ARHGEF7: variants seen among roughly 807,000 people sequenced by gnomAD.
The protein encoded by ARHGEF7 is Rho guanine nucleotide exchange factor 7.
Under a neutral mutation model 109.8 loss-of-function variants are expected in ARHGEF7, and 33 were observed. The observed-to-expected ratio is 0.30, with a 90% confidence interval of 0.23 to 0.40. The LOEUF is 0.40. Ranked by LOEUF, ARHGEF7 falls within the 10% of genes least tolerant of loss-of-function variation. ARHGEF7 has a pLI of 1.00. For missense variants in ARHGEF7, 938 were observed against 1,098.5 expected (o/e 0.85, Z 2.07); for synonymous variants, 458 against 424.6 (o/e 1.08, Z -0.97).
intron 8 of ARHGEF7, chr13:111,265,716 CCTTGGAGGTGGGT>C (rs1327329242): frequency 6.6e-6 from 3 of 455,938 alleles, no homozygotes; most frequent in African/African-American, 6.0e-5. Context: ...AAAAGGTGGG[CCTTGGAGGTGGGT>C]AGGTTGTGAG....
At chr13:111,197,427 G>T (rs1394934825) in intron 2 of ARHGEF7, among the ~76,000 whole-genome samples, 1 of 152,152 alleles carries the variant, frequency 6.6e-6, no homozygotes, top group African/African-American at 2.4e-5. Context: ...CCACAAAGAG[G>T]ACTGAGAAAA....
chr13:111,211,913 TG>T (rs991175495), intron 4 of ARHGEF7, among the ~76,000 whole-genome samples: 1 of 152,200 alleles, frequency 6.6e-6, no homozygotes, highest in Non-Finnish European at 1.5e-5. Context: ...ATGTCAGTTT[TG>T]AGATCATATT....
intron 1 of ARHGEF7, among the ~76,000 whole-genome samples, chr13:111,118,078 G>GT: frequency 6.6e-6 from 1 of 152,274 alleles, no homozygotes; most frequent in Admixed American, 6.5e-5. Context: ...AGTGAGCGGA[G>GT]GGCAAGTGGC....
chr13:111,212,540 G>A (rs1265085165), intron 4 of ARHGEF7, among the ~76,000 whole-genome samples: 1 of 152,138 alleles, frequency 6.6e-6, no homozygotes, highest in African/African-American at 2.4e-5. Flanking sequence ...AGAGTTTGGG[G>A]ATGGCGTTTG....
At chr13:111,237,743 CAT>C (rs946217383) in intron 6 of ARHGEF7, among the ~76,000 whole-genome samples, 16 of 152,198 alleles carry the variant, frequency 1.1e-4, no homozygotes, top group Non-Finnish European at 1.8e-4. Context: ...ATACAAAAAA[CAT>C]ATATTTTCAT....
At chr13:111,138,471 A>T (rs1218300477) in intron 1 of ARHGEF7, among the ~76,000 whole-genome samples, 2 of 152,062 alleles carry the variant, frequency 1.3e-5, no homozygotes, top group African/African-American at 4.8e-5. Flanking sequence ...ACAGAGCGAG[A>T]TTGCATCTCA....
chr13:111,171,340 G>A (rs1163959240), intron 2 of ARHGEF7, among the ~76,000 whole-genome samples: 1 of 152,240 alleles, frequency 6.6e-6, no homozygotes, highest in African/African-American at 2.4e-5. Flanking sequence ...GGAGCTGCGT[G>A]TGCAGGAGTA....
intron 1 of ARHGEF7, among the ~76,000 whole-genome samples, chr13:111,148,100 G>C (rs1029267948): frequency 2.0e-5 from 3 of 152,190 alleles, no homozygotes; most frequent in Non-Finnish European, 4.4e-5. Flanking sequence ...ACATCTCCGT[G>C]GCCACACTTG....
At chr13:111,237,957 C>T (rs890311540) in intron 6 of ARHGEF7, among the ~76,000 whole-genome samples, 1 of 152,108 alleles carries the variant, frequency 6.6e-6, no homozygotes, top group African/African-American at 2.4e-5. Flanking sequence ...GAGATAGAAA[C>T]GGGCCTCTGA....
In ARHGEF7 at chr13:111,275,609, C is replaced by A; in HGVS notation, c.1350C>A (p.Gly450=). 1.2e-6 allele frequency: 2 copies of A among 1,614,048 alleles called. No individual in the cohort carries two copies. Among genetic ancestry groups the A allele is most frequent in the Non-Finnish European group, 1.7e-6 (2 of 1,180,008 alleles). ...ILTEAIRNWE[G]DDIKTLGNVT... ...CGGAAGCCATCCGGAACTGGGAGGG[C>A]GATGACATTAAAACTCTGGGCAACG... The change falls in exon 12 of 22, where the codon GGC becomes GGA. Residue 450 remains glycine, a synonymous_variant. Transcript: ENST00000646102.
intron 1 of ARHGEF7, among the ~76,000 whole-genome samples, chr13:111,120,331 A>G (rs1179691227): frequency 6.6e-6 from 1 of 152,262 alleles, no homozygotes; most frequent in African/African-American, 2.4e-5. Context: ...TGTTGGCATC[A>G]CACAGACACA....
At chr13:111,129,771 C>CA (rs1179679521) in intron 1 of ARHGEF7, among the ~76,000 whole-genome samples, 1 of 152,210 alleles carries the variant, frequency 6.6e-6, no homozygotes, top group African/African-American at 2.4e-5. Context: ...CATGCACTGA[C>CA]AGTGGGAAGG....
chr13:111,162,862 T>C (rs1490963714), intron 2 of ARHGEF7, among the ~76,000 whole-genome samples: 2 of 152,264 alleles, frequency 1.3e-5, no homozygotes, highest in Non-Finnish European at 2.9e-5. Context: ...AACTTGTTGA[T>C]GCAGGCTTAA....
At chr13:111,173,412 C>T (rs1196155614) in intron 2 of ARHGEF7, among the ~76,000 whole-genome samples, 1 of 152,150 alleles carries the variant, frequency 6.6e-6, no homozygotes, top group Non-Finnish European at 1.5e-5. Flanking sequence ...AGGAAAATTA[C>T]CAGGAGTTTG....
intron 2 of ARHGEF7, among the ~76,000 whole-genome samples, chr13:111,165,541 A>G (rs768451603): frequency 1.3e-5 from 2 of 152,304 alleles, no homozygotes; most frequent in Non-Finnish European, 1.5e-5. Context: ...ATTCTCTGCT[A>G]CCCACAACCA....
intron 2 of ARHGEF7, among the ~76,000 whole-genome samples, chr13:111,165,411 C>T (rs1036203610): frequency 6.6e-5 from 10 of 152,174 alleles, no homozygotes; most frequent in Admixed American, 4.6e-4. Context: ...CTTGTATCTC[C>T]GCTGGTTGTT....
rs1433421523 is a variant in ARHGEF7 at position 111,205,313 on chromosome 13, CA to C, written c.278del (p.Gln93ArgfsTer12). ...LETFDANDLY[Q>X]GQNFNKVLSS... The stretch of plus-strand genomic sequence containing the variant: ...GACGTTTGATGCAAATGATTTGTAT[CA>C]GGGGCAGAATTTTAACAAGGTCCTC... On this transcript the variant is annotated frameshift_variant, in exon 3 of 22. Coordinates refer to ENST00000646102, the MANE Select transcript of ARHGEF7 (RefSeq NM_001354046.2). LOFTEE classifies it high-confidence loss of function. 6.2e-7 allele frequency: 1 copy of C among 1,602,258 alleles called. No individual in the cohort carries two copies. The highest frequency in any genetic ancestry group is 8.5e-7 in the Non-Finnish European group (1 of 1,177,274).
At chr13:111,174,624 A>G (rs1661463667) in intron 2 of ARHGEF7, among the ~76,000 whole-genome samples, 1 of 152,152 alleles carries the variant, frequency 6.6e-6, no homozygotes, top group African/African-American at 2.4e-5. Flanking sequence ...TGCTATTTTG[A>G]GTTCATTGTC....
chr13:111,176,522 T>C (rs1167111427), intron 2 of ARHGEF7, among the ~76,000 whole-genome samples: 1 of 152,238 alleles, frequency 6.6e-6, no homozygotes, highest in African/African-American at 2.4e-5. Context: ...CACTGTGTGC[T>C]GTGCCCTGTG....
Sources: gnomAD v4.1 joint callset for allele counts (sites outside exome capture counted in the v4.1 genomes callset) on GRCh38, gnomAD v4.1.1 for gene constraint, MANE v1.5 for transcripts, NCBI Gene and HGNC (gene_info 2026-07-23, HGNC 2026-07-21) for gene names.